Variants in LHFPL3 observed in about 807,000 individuals in gnomAD.
LHFPL3 encodes the protein LHFPL tetraspan subfamily member 3 protein.
A neutral mutation model predicts 19.3 loss-of-function variants in LHFPL3; 5 were observed. The observed-to-expected ratio is 0.26, with a 90% CI of 0.14 to 0.54. LHFPL3 has a LOEUF of 0.54. Ranked by LOEUF, LHFPL3 falls within the 20% of genes least tolerant of loss-of-function variation. The pLI, the probability that LHFPL3 is intolerant of heterozygous loss-of-function variation, is 0.94. For missense variants in LHFPL3, 249 were observed against 307.4 expected (o/e 0.81, Z 1.42); for synonymous variants, 133 against 126.2 (o/e 1.05, Z -0.36).
chr7:104,662,368 A>G (rs549154802), intron 1 of LHFPL3, among the ~76,000 whole-genome samples: 1 of 152,216 alleles, frequency 6.6e-6, no homozygotes, highest in Non-Finnish European at 1.5e-5. Context: ...GACATTTTTC[A>G]TAGATTATCT....
intron 2 of LHFPL3, among the ~76,000 whole-genome samples, chr7:104,778,878 G>C (rs1794676392): frequency 6.6e-6 from 1 of 152,234 alleles, no homozygotes; most frequent in African/African-American, 2.4e-5. Context: ...GATGTCAGAA[G>C]GGTTCAGTTA....
intron 1 of LHFPL3, among the ~76,000 whole-genome samples, chr7:104,603,166 T>TCTTTCTTTCTTC (rs1791019070): frequency 1.8e-4 from 3 of 16,428 alleles, no homozygotes; most frequent in Admixed American, 1.7e-3. Context: ...TTCCTTCCTT[T>TCTTTCTTTCTTC]CTTTCTTTCT....
intron 1 of LHFPL3, among the ~76,000 whole-genome samples, chr7:104,530,730 T>C (rs1227722624): frequency 6.6e-6 from 1 of 152,234 alleles, no homozygotes; most frequent in African/African-American, 2.4e-5. Context: ...AACAGCGTAT[T>C]GTGCAGTTGT....
At chr7:104,422,955 A>G (rs1791762764) in intron 1 of LHFPL3, among the ~76,000 whole-genome samples, 1 of 152,228 alleles carries the variant, frequency 6.6e-6, no homozygotes, top group Non-Finnish European at 1.5e-5. Flanking sequence ...TAATTGATTC[A>G]TTGAACAGGT....
intron 1 of LHFPL3, among the ~76,000 whole-genome samples, chr7:104,404,813 C>T (rs1791384705): frequency 6.6e-6 from 1 of 152,116 alleles, no homozygotes; most frequent in Non-Finnish European, 1.5e-5. Context: ...CCATTTTGTA[C>T]TTTGATCCTG....
At chr7:104,548,544 C>T (rs943335092) in intron 1 of LHFPL3, among the ~76,000 whole-genome samples, 2 of 151,952 alleles carry the variant, frequency 1.3e-5, no homozygotes, top group South Asian at 4.2e-4. Flanking sequence ...TACTTTATCC[C>T]CTTAAAATAG....
At chr7:104,872,031 T>C (rs1413683674) in intron 2 of LHFPL3, among the ~76,000 whole-genome samples, 2 of 152,172 alleles carry the variant, frequency 1.3e-5, no homozygotes, top group Admixed American at 6.5e-5. Context: ...CTTTTTAAAC[T>C]TTTTTGTTAA....
In LHFPL3 at chr7:104,618,933, G is replaced by A. The variant is rs138414089; in HGVS notation, c.446-117742G>A. ...ACTAATGGAATGGATCCTGGAATGCGGGGCAGCAGAAGAAGAGGCCCCTTA... is the reference window on the plus strand; with the variant it reads ...ACTAATGGAATGGATCCTGGAATGCAGGGCAGCAGAAGAAGAGGCCCCTTA... On this transcript the variant is annotated intron_variant, in intron 1 of 2. Coordinates refer to ENST00000424859, the MANE Select transcript of LHFPL3 (RefSeq NM_199000.3). Among the ~76,000 whole-genome samples, 14 of 152,272 alleles carry A rather than the reference G, an allele frequency of 9.2e-5. No homozygotes were observed. In the East Asian group the frequency reaches 1.5e-3, roughly 17 times the overall value.
At chr7:104,632,544 T>C (rs1390608707) in intron 1 of LHFPL3, among the ~76,000 whole-genome samples, 2 of 152,240 alleles carry the variant, frequency 1.3e-5, no homozygotes, top group African/African-American at 2.4e-5. Flanking sequence ...TTTATAAATG[T>C]TTCCTGAGAA....
chr7:104,508,160 G>A (rs929276370), intron 1 of LHFPL3, among the ~76,000 whole-genome samples: 14 of 152,056 alleles, frequency 9.2e-5, no homozygotes, highest in Non-Finnish European at 1.9e-4. Context: ...ACGTGCACAC[G>A]TATGTTTATT....
At chr7:104,515,753 A>G (rs1440441564) in intron 1 of LHFPL3, among the ~76,000 whole-genome samples, 1 of 152,168 alleles carries the variant, frequency 6.6e-6, no homozygotes, top group Non-Finnish European at 1.5e-5. Flanking sequence ...GATTAAGTAC[A>G]CTTTCAGAGT....
In LHFPL3 at chr7:104,642,288, T is replaced by C. The variant is rs574986563; in HGVS notation, c.446-94387T>C. Among the ~76,000 whole-genome samples, 4 of 152,212 alleles carry C rather than the reference T, an allele frequency of 2.6e-5. No individual in the cohort carries two copies. The East Asian group carries it at 7.7e-4, about 29-fold the overall frequency. ...CCTTGCCTCAAGTGATCCGCCCACCTCAGCCTCCCAGGTACAGTCGTGAGC... is the reference window on the plus strand; with the variant it reads ...CCTTGCCTCAAGTGATCCGCCCACCCCAGCCTCCCAGGTACAGTCGTGAGC... On this transcript the variant is annotated intron_variant, in intron 1 of 2. Coordinates refer to ENST00000424859, the MANE Select transcript of LHFPL3 (RefSeq NM_199000.3).
chr7:104,686,767 G>A (rs1359920016), intron 1 of LHFPL3, among the ~76,000 whole-genome samples: 1 of 152,210 alleles, frequency 6.6e-6, no homozygotes, highest in Non-Finnish European at 1.5e-5. Flanking sequence ...CTGAGACTGG[G>A]TAATTTATAA....
In LHFPL3 at chr7:104,430,420, A is replaced by ACATG. The variant is rs1562895212; in HGVS notation, c.445+101196_445+101197insCATG. 6.8e-4 allele frequency among the ~76,000 whole-genome samples: 8 copies of ACATG among 11,798 alleles called. 1 individual carries two copies. The highest frequency in any genetic ancestry group is 1.3e-3 in the Non-Finnish European group (7 of 5,434). 7.7% of individuals were successfully genotyped at this position (11,798 alleles called of 152,430 possible). ...TATATATATACATATATATATATAC[A>ACATG]TATATATATATATATATATATATAT... is the stretch of plus-strand genomic sequence containing the variant. On this transcript the variant is annotated intron_variant, in intron 1 of 2. Transcript: ENST00000424859.
intron 1 of LHFPL3, among the ~76,000 whole-genome samples, chr7:104,474,687 CAAAAAAAA>C: frequency 2.4e-5 from 1 of 41,046 alleles, no homozygotes; most frequent in South Asian, 8.1e-4. Context: ...ACAACAACAA[CAAAAAAAA>C]AAAAAAAAAA....
At chr7:104,665,013 A>G (rs1792304779) in intron 1 of LHFPL3, among the ~76,000 whole-genome samples, 1 of 152,236 alleles carries the variant, frequency 6.6e-6, no homozygotes, top group South Asian at 2.1e-4. Context: ...TAAAATGAAT[A>G]CACATTGAAT....
At chr7:104,378,025 A>C (rs1034524336) in intron 1 of LHFPL3, among the ~76,000 whole-genome samples, 1 of 152,166 alleles carries the variant, frequency 6.6e-6, no homozygotes, top group Non-Finnish European at 1.5e-5. Context: ...AAAAACAAAA[A>C]ACAGCTCTCT....
chr7:104,676,721 G>A (rs1792600316), intron 1 of LHFPL3, among the ~76,000 whole-genome samples: 1 of 152,218 alleles, frequency 6.6e-6, no homozygotes, highest in Admixed American at 6.5e-5. Flanking sequence ...AAATTCCAGA[G>A]TTGACTAGGA....
intron 1 of LHFPL3, among the ~76,000 whole-genome samples, chr7:104,559,001 G>A (rs1287436209): frequency 1.3e-4 from 19 of 148,356 alleles, no homozygotes; most frequent in African/African-American, 3.8e-4. Flanking sequence ...GATATGTGGC[G>A]TTATTTCTGA....
Sources: allele counts gnomAD v4.1 joint callset (sites outside exome capture counted in the v4.1 genomes callset), GRCh38; gene constraint gnomAD v4.1.1; transcripts MANE v1.5; gene names NCBI Gene and HGNC (gene_info 2026-07-23, HGNC 2026-07-21).